The following PDZRN3 variants were observed in gnomAD, a reference collection of about 807,000 sequenced individuals.
The protein encoded by PDZRN3 is PDZ domain containing ring finger 3.
A neutral mutation model predicts 85.7 loss-of-function variants in PDZRN3; 38 were observed. The ratio of observed to expected loss-of-function variants is 0.44; its 90% CI spans 0.34 to 0.58. PDZRN3 has a LOEUF of 0.58. Among genes scored for constraint, PDZRN3 ranks in the 20% least tolerant of loss-of-function variants. The pLI is 0.01. For missense variants in PDZRN3, 1,629 were observed against 1,506.4 expected, an observed-to-expected ratio of 1.08 and a Z score of -1.35; for synonymous variants, 759 against 638.0, an observed-to-expected ratio of 1.19 and a Z score of -2.86.
chr3:73,471,922 G>A (rs931930890), intron 3 of PDZRN3, among the ~76,000 whole-genome samples: 4 of 152,184 alleles, frequency 2.6e-5, no homozygotes, highest in Non-Finnish European at 4.4e-5. Flanking sequence ...AAACACAAGC[G>A]GCATTAATGT....
At chr3:73,394,938 A>G (rs982285006) in intron 5 of PDZRN3, among the ~76,000 whole-genome samples, 1 of 152,238 alleles carries the variant, frequency 6.6e-6, no homozygotes, top group African/African-American at 2.4e-5. Context: ...TAAAGATTAC[A>G]GTAAGGCAAT....
chr3:73,557,249 A>G (rs530613267), intron 3 of PDZRN3, among the ~76,000 whole-genome samples: 1 of 152,348 alleles, frequency 6.6e-6, no homozygotes, highest in East Asian at 1.9e-4. Context: ...AAACAGCTCA[A>G]TGATGGGAAG....
intron 3 of PDZRN3, among the ~76,000 whole-genome samples, chr3:73,498,625 C>A (rs1703915381): frequency 6.6e-6 from 1 of 151,456 alleles, no homozygotes; most frequent in Non-Finnish European, 1.5e-5. Context: ...AGCTCTGTTG[C>A]CCAGGCTGGA....
chr3:73,532,532 ACACT>A (rs2106758723), intron 3 of PDZRN3, among the ~76,000 whole-genome samples: 1 of 152,310 alleles, frequency 6.6e-6, no homozygotes, highest in East Asian at 1.9e-4. Context: ...TCCTCATTAC[ACACT>A]CACTGTGATA....
chr3:73,424,741 A>G (rs1390704717), intron 3 of PDZRN3, among the ~76,000 whole-genome samples: 1 of 152,090 alleles, frequency 6.6e-6, no homozygotes. Flanking sequence ...GGCACTTTAC[A>G]CACAAGGAAG....
chr3:73,526,726 T>C (rs1195076980), intron 3 of PDZRN3, among the ~76,000 whole-genome samples: 1 of 152,162 alleles, frequency 6.6e-6, no homozygotes. Flanking sequence ...CTCAGTCTGT[T>C]GCGCAGGCTG....
intron 3 of PDZRN3, among the ~76,000 whole-genome samples, chr3:73,442,148 G>A (rs1702650807): frequency 6.6e-6 from 1 of 152,184 alleles, no homozygotes; most frequent in African/African-American, 2.4e-5. Flanking sequence ...GGCTCCTGGA[G>A]GACCTGCCTC....
At chr3:73,491,779 T>TATAGAG (rs1392643181) in intron 3 of PDZRN3, among the ~76,000 whole-genome samples, 1 of 149,854 alleles carries the variant, frequency 6.7e-6, no homozygotes, top group Non-Finnish European at 1.5e-5. Flanking sequence ...ACTTATTTTT[T>TATAGAG]ATAGAGTTGG....
intron 3 of PDZRN3, among the ~76,000 whole-genome samples, chr3:73,512,320 A>G (rs1487693965): frequency 1.3e-5 from 2 of 152,228 alleles, no homozygotes; most frequent in Non-Finnish European, 2.9e-5. Flanking sequence ...AAAACAGATG[A>G]TTCTAAATTG....
intron 3 of PDZRN3, among the ~76,000 whole-genome samples, chr3:73,554,330 A>C (rs776265713): frequency 1.8e-4 from 27 of 146,988 alleles, no homozygotes; most frequent in Non-Finnish European, 2.4e-4. Context: ...ATATAAGAAT[A>C]TCTCACAGGA....
At position 73,385,391 on chromosome 3, in the gene PDZRN3, T is replaced by C. The variant is rs548336654; in HGVS notation, c.1635+278A>G. Among the ~76,000 whole-genome samples, 156 of 152,356 alleles carry C rather than the reference T, an allele frequency of 1.0e-3. 3 individuals are homozygous for C. In the South Asian group the frequency reaches 0.032, roughly 31 times the overall value. The stretch of plus-strand genomic sequence containing the variant: ...TTGGAAAACATGGCTTTTTGCAATC[T>C]ATGGTAATGCCAACGCATATGTTTT... On this transcript the variant is annotated intron_variant, in intron 9 of 9. Coordinates refer to ENST00000263666, the MANE Select transcript of PDZRN3 (RefSeq NM_015009.3).
intron 1 of PDZRN3, among the ~76,000 whole-genome samples, chr3:73,620,409 CAG>C (rs1388499901): frequency 6.6e-6 from 1 of 152,144 alleles, no homozygotes; most frequent in Non-Finnish European, 1.5e-5. Flanking sequence ...CTCTAAGAAT[CAG>C]GGGGTAAGTC....
intron 3 of PDZRN3, among the ~76,000 whole-genome samples, chr3:73,480,620 G>A (rs1435324935): frequency 6.6e-6 from 1 of 152,116 alleles, no homozygotes; most frequent in Non-Finnish European, 1.5e-5. Context: ...CAGAGTGCAC[G>A]CTTGCCTCTG....
chr3:73,586,964 A>G, intron 3 of PDZRN3, among the ~76,000 whole-genome samples: 1 of 152,216 alleles, frequency 6.6e-6, no homozygotes, highest in East Asian at 1.9e-4. Context: ...TGACAGGAAG[A>G]GGAGATTATT....
chr3:73,500,406 T>C (rs1193559631), intron 3 of PDZRN3, among the ~76,000 whole-genome samples: 1 of 152,138 alleles, frequency 6.6e-6, no homozygotes, highest in Non-Finnish European at 1.5e-5. Flanking sequence ...CTTGGCCTTT[T>C]AAAATGCTTT....
At chr3:73,504,627 C>T (rs1330737856) in intron 3 of PDZRN3, among the ~76,000 whole-genome samples, 1 of 152,160 alleles carries the variant, frequency 6.6e-6, no homozygotes, top group Non-Finnish European at 1.5e-5. Flanking sequence ...GATTACAGAT[C>T]TGACATATTT....
chr3:73,445,992 C>T (rs1702741104), intron 3 of PDZRN3, among the ~76,000 whole-genome samples: 1 of 152,188 alleles, frequency 6.6e-6, no homozygotes, highest in Admixed American at 6.5e-5. Context: ...AATGTGCGTC[C>T]AAATGTTTTG....
chr3:73,566,284 G>A (rs1049282896), intron 3 of PDZRN3, among the ~76,000 whole-genome samples: 5 of 152,096 alleles, frequency 3.3e-5, no homozygotes, highest in African/African-American at 7.2e-5. Context: ...TAAACAGGCA[G>A]GCTCACAAGT....
chr3:73,429,021 C>T (rs895223262), intron 3 of PDZRN3, among the ~76,000 whole-genome samples: 1 of 152,110 alleles, frequency 6.6e-6, no homozygotes, highest in African/African-American at 2.4e-5. Context: ...ACCTCAGCCT[C>T]CTGAGTAGCT....
Sources: allele counts gnomAD v4.1 joint callset (sites outside exome capture counted in the v4.1 genomes callset), GRCh38; gene constraint gnomAD v4.1.1; transcripts MANE v1.5; gene names NCBI Gene and HGNC (gene_info 2026-07-23, HGNC 2026-07-21).